KANK1: variants seen among roughly 807,000 people sequenced by gnomAD.
The protein encoded by KANK1 is KN motif and ankyrin repeat domains 1.
Under a neutral mutation model 106.2 loss-of-function variants are expected in KANK1, and 109 were observed. That is an observed-to-expected ratio of 1.03 (90% CI 0.88 to 1.20). The LOEUF (loss-of-function observed/expected upper bound fraction) is 1.20. KANK1 is among the 50% of genes most tolerant of loss of function. KANK1 has a pLI of 0.00. For synonymous variants in KANK1, 873 were observed against 652.2 expected (o/e 1.34, Z -5.16); for missense variants, 2,399 against 1,710.7 (o/e 1.40, Z -7.10).
intron 11 of KANK1, 26 bp downstream of exon 11, chr9:744,615 T>C (rs1407882100): frequency 1.2e-5 from 20 of 1,614,128 alleles, no homozygotes; most frequent in Non-Finnish European, 1.6e-5. Context: ...TTGGCATTTG[T>C]AAATAGGCTG....
At position 657,511 on chromosome 9, in the gene KANK1, G is replaced by T. The variant is rs994924404; in HGVS notation, c.-83-19379G>T. Among the ~76,000 whole-genome samples, 45 of 152,012 alleles carry T rather than the reference G, an allele frequency of 3.0e-4. 1 individual carries two copies. Among genetic ancestry groups the T allele is most frequent in the Non-Finnish European group, 8.8e-5 (6 of 68,018 alleles). On this transcript the variant is annotated intron_variant, in intron 1 of 11. Coordinates refer to ENST00000382297, the MANE Select transcript of KANK1 (RefSeq NM_015158.5). ...CACCAACAACTCTCACCAATGTAGG[G>T]TTCCAGTTTCTCTACATGCTACCGA...
At chr9:618,047 A>C (rs1329393008) in intron 1 of KANK1, among the ~76,000 whole-genome samples, 1 of 152,184 alleles carries the variant, frequency 6.6e-6, no homozygotes, top group African/African-American at 2.4e-5. Context: ...CCCTGCACAC[A>C]AGGCAGTATC....
intron 2 of KANK1, among the ~76,000 whole-genome samples, chr9:683,383 T>C (rs2139150067): frequency 6.6e-6 from 1 of 152,202 alleles, no homozygotes; most frequent in African/African-American, 2.4e-5. Flanking sequence ...AACACATAGG[T>C]AGGAGCCTGC....
chr9:550,729 G>C (rs549604420), intron 1 of KANK1, among the ~76,000 whole-genome samples: 2 of 152,344 alleles, frequency 1.3e-5, no homozygotes, highest in African/African-American at 4.8e-5. Context: ...CTTCACTGTA[G>C]ATGTTTGGCG....
chr9:551,884 C>CA (rs536772524), intron 1 of KANK1, among the ~76,000 whole-genome samples: 7,802 of 120,656 alleles, frequency 0.065, 242 homozygotes, highest in South Asian at 0.1. Context: ...CTTGTTTCTA[C>CA]AAAAAAAAAA....
At chr9:519,018 G>A (rs1159072718) in intron 1 of KANK1, among the ~76,000 whole-genome samples, 1 of 151,472 alleles carries the variant, frequency 6.6e-6, no homozygotes, top group Non-Finnish European at 1.5e-5. Flanking sequence ...AGCCTCCCGA[G>A]TAGCTGGGAT....
intron 3 of KANK1, among the ~76,000 whole-genome samples, chr9:479,488 A>G (rs1303333186): frequency 2.0e-5 from 3 of 151,402 alleles, no homozygotes; most frequent in East Asian, 4.0e-4. Context: ...TTCATTAGCC[A>G]CATTTTCCAA....
At position 731,246 on chromosome 9, in the gene KANK1, GT is replaced by G; in HGVS notation, c.2988del (p.Phe996LeufsTer63). ...DSNGAKKNLQ[F>X]VGINGGYETT... ...CAAATGGCGCAAAAAAGAATCTTCA[GT>G]TTGTTGGCATTAATGGAGGGTAAGG... On this transcript the variant is annotated frameshift_variant, in exon 5 of 12. Coordinates refer to ENST00000382297, the MANE Select transcript of KANK1 (RefSeq NM_015158.5). LOFTEE classifies it high-confidence loss of function. 2 of 1,604,860 alleles carry G rather than the reference GT, an allele frequency of 1.2e-6. No individual in the cohort carries two copies. The highest frequency in any genetic ancestry group is 1.7e-6 in the Non-Finnish European group (2 of 1,171,970).
intron 1 of KANK1, among the ~76,000 whole-genome samples, chr9:542,821 A>T (rs897036264): frequency 3.2e-4 from 46 of 145,100 alleles, no homozygotes; most frequent in Non-Finnish European, 7.4e-5. Flanking sequence ...TTTCTCACTT[A>T]TATGTGGTAT....
intron 11 of KANK1, 121 bp downstream of exon 11, chr9:744,710 T>G (rs760430277): frequency 3.8e-6 from 6 of 1,578,706 alleles, no homozygotes; most frequent in Non-Finnish European, 5.2e-6. Flanking sequence ...GAAGTTTTAG[T>G]CTGGAGCTTA....
intron 1 of KANK1, among the ~76,000 whole-genome samples, chr9:579,782 T>G (rs1393387880): frequency 6.6e-6 from 1 of 152,204 alleles, no homozygotes; most frequent in African/African-American, 2.4e-5. Flanking sequence ...GTTCACATGT[T>G]GCTGTGGGTT....
chr9:679,644 A>T (rs1199219941), intron 2 of KANK1, among the ~76,000 whole-genome samples: 1 of 152,136 alleles, frequency 6.6e-6, no homozygotes, highest in Non-Finnish European at 1.5e-5. Context: ...TGAACTCATG[A>T]CTTCAGGTGA....
intron 1 of KANK1, among the ~76,000 whole-genome samples, chr9:538,519 T>C (rs1563735092): frequency 6.6e-6 from 1 of 152,202 alleles, no homozygotes; most frequent in Non-Finnish European, 1.5e-5. Context: ...GGAGCAGTTT[T>C]TAAAACTAAA....
upstream of KANK1, among the ~76,000 whole-genome samples, chr9:502,454 ATGT>A (rs1564128688): frequency 6.6e-6 from 1 of 152,082 alleles, no homozygotes; most frequent in African/African-American, 2.4e-5. Flanking sequence ...GGGCCTATCA[ATGT>A]TTACTGACTA....
chr9:686,927 G>A (rs1818717202), intron 2 of KANK1: 1 of 985,100 alleles, frequency 1.0e-6, no homozygotes, highest in Admixed American at 6.1e-5. Context: ...GAAAGGTAAA[G>A]GGGGCTTAGG....
chr9:474,467 G>A (rs1052195653), intron 3 of KANK1, among the ~76,000 whole-genome samples: 1 of 152,204 alleles, frequency 6.6e-6, no homozygotes, highest in African/African-American at 2.4e-5. Flanking sequence ...TGATGCATGT[G>A]AAAAACTGAA....
At chr9:728,308 C>T (rs996397439) in intron 3 of KANK1, among the ~76,000 whole-genome samples, 2 of 152,206 alleles carry the variant, frequency 1.3e-5, no homozygotes, top group Non-Finnish European at 2.9e-5. Flanking sequence ...AGCCATTCTC[C>T]TGCCTCAGCC....
Position 710,791 on chromosome 9 carries a change from C to T in KANK1, c.38-13C>T. On this transcript the variant is annotated splice_polypyrimidine_tract_variant and intron_variant, in intron 2 of 11. Transcript: ENST00000382297. ...TTGCATGTCATTATAATATTCTTTTCTCCCTCTTCTAGGAAAAGCAGGTGA... is the reference window on the plus strand; with the variant it reads ...TTGCATGTCATTATAATATTCTTTTTTCCCTCTTCTAGGAAAAGCAGGTGA... The T allele has an allele frequency of 1.3e-6, 2 of 1,556,946 alleles. No individual in the cohort carries two copies. Among genetic ancestry groups the T allele is most frequent in the Non-Finnish European group, 1.7e-6 (2 of 1,156,848 alleles).
At chr9:694,706 G>A (rs999817420) in intron 2 of KANK1, among the ~76,000 whole-genome samples, 1 of 152,008 alleles carries the variant, frequency 6.6e-6, no homozygotes, top group Non-Finnish European at 1.5e-5. Flanking sequence ...AACCCTTTCC[G>A]CTGTCTTCCC....
Sources: allele counts gnomAD v4.1 joint callset (sites outside exome capture counted in the v4.1 genomes callset), GRCh38; gene constraint gnomAD v4.1.1; transcripts MANE v1.5; gene names NCBI Gene and HGNC (gene_info 2026-07-23, HGNC 2026-07-21).